The following FRMD5 variants were observed in gnomAD, a reference collection of about 807,000 sequenced individuals.
The protein encoded by FRMD5 is FERM domain-containing protein 5.
Under a neutral mutation model 69.0 loss-of-function variants are expected in FRMD5, and 20 were observed. The ratio of observed to expected loss-of-function variants is 0.29; its 90% CI spans 0.20 to 0.42. The LOEUF is 0.42. FRMD5 is among the 10% of genes least tolerant of loss of function. The pLI is 1.00. For synonymous variants in FRMD5, 271 were observed against 260.1 expected (o/e 1.04, Z -0.40); for missense variants, 595 against 708.6 (o/e 0.84, Z 1.82).
At chr15:43,899,622 G>A (rs1343341199) in intron 7 of FRMD5, among the ~76,000 whole-genome samples, 1 of 152,202 alleles carries the variant, frequency 6.6e-6, no homozygotes, top group Non-Finnish European at 1.5e-5. Context: ...CGCCATGGGA[G>A]GCATACCACA....
chr15:43,922,342 T>C (rs1159123024), intron 2 of FRMD5, among the ~76,000 whole-genome samples: 2 of 152,218 alleles, frequency 1.3e-5, no homozygotes, highest in East Asian at 3.9e-4. Context: ...AAGGATGAGA[T>C]GGAATAACAT....
intron 1 of FRMD5, among the ~76,000 whole-genome samples, chr15:44,179,907 TG>T (rs1179976937): frequency 6.6e-6 from 1 of 151,974 alleles, no homozygotes; most frequent in Non-Finnish European, 1.5e-5. Flanking sequence ...GGCACAGTGG[TG>T]TGTGCCTATA....
intron 13 of FRMD5, 131 bp from the exon 14 acceptor site, chr15:43,874,593 A>AT: frequency 3.0e-6 from 2 of 667,720 alleles, no homozygotes; most frequent in Non-Finnish European, 2.6e-6. Context: ...ACTGCACTCT[A>AT]TTTTGATATA....
At chr15:43,888,938 GA>G in intron 8 of FRMD5, 66 bp from the exon 9 acceptor site, 1 of 1,398,066 alleles carries the variant, frequency 7.2e-7, no homozygotes. Context: ...AAATCTTGTA[GA>G]TGCACAGCCC....
At chr15:43,960,242 C>A (rs1595561937) in intron 1 of FRMD5, among the ~76,000 whole-genome samples, 2 of 152,126 alleles carry the variant, frequency 1.3e-5, no homozygotes, top group East Asian at 3.9e-4. Context: ...GCGCCCACCA[C>A]CACACCCGGC....
At chr15:44,012,836 G>A (rs937359724) in intron 1 of FRMD5, among the ~76,000 whole-genome samples, 25 of 142,208 alleles carry the variant, frequency 1.8e-4, no homozygotes, top group Non-Finnish European at 3.4e-4. Context: ...GCACAATCTC[G>A]GCTCACTGCA....
chr15:44,032,857 G>A (rs1300089825), intron 1 of FRMD5, among the ~76,000 whole-genome samples: 1 of 152,048 alleles, frequency 6.6e-6, no homozygotes, highest in Non-Finnish European at 1.5e-5. Flanking sequence ...CCCATTACTG[G>A]GTATATACCC....
rs902156220 is a variant in FRMD5, at chr15:44,076,016, G to GT, written c.102+118936dup. Among the ~76,000 whole-genome samples the GT allele has an allele frequency of 7.2e-5, 11 of 152,100 alleles. No individual in the cohort carries two copies. The East Asian group carries it at 1.5e-3, about 21-fold the overall frequency. Reference sequence around the variant, plus strand: ...CGCCCACTTTTTGATGGGGTTGTTTGTTTTTTTCTTGTAAATTTGTTTGAG... The same window carrying GT: ...CGCCCACTTTTTGATGGGGTTGTTTGTTTTTTTTCTTGTAAATTTGTTTGAG... On this transcript the variant is annotated intron_variant, in intron 1 of 13. Coordinates refer to ENST00000417257, the MANE Select transcript of FRMD5 (RefSeq NM_032892.5).
intron 1 of FRMD5, among the ~76,000 whole-genome samples, chr15:44,130,010 C>T (rs950079585): frequency 2.6e-5 from 4 of 152,284 alleles, no homozygotes; most frequent in South Asian, 4.1e-4. Context: ...ACAATGTCAA[C>T]TCTCCCTAAC....
At chr15:44,095,287 CA>C (rs2076535781) in intron 1 of FRMD5, among the ~76,000 whole-genome samples, 1 of 151,932 alleles carries the variant, frequency 6.6e-6, no homozygotes, top group Non-Finnish European at 1.5e-5. Flanking sequence ...ACTGCACCCT[CA>C]ATCTCCTGGG....
chr15:43,927,173 A>G (rs1195365669), intron 1 of FRMD5, among the ~76,000 whole-genome samples: 3 of 151,802 alleles, frequency 2.0e-5, no homozygotes, highest in African/African-American at 7.3e-5. Flanking sequence ...TTCTTTTACT[A>G]TTTTCTGACT....
chr15:44,150,130 A>T (rs2077420281), intron 1 of FRMD5, among the ~76,000 whole-genome samples: 2 of 152,194 alleles, frequency 1.3e-5, no homozygotes, highest in South Asian at 4.1e-4. Flanking sequence ...AAAAACATTC[A>T]ACAAACTAGG....
chr15:44,139,513 T>C (rs978735167), intron 1 of FRMD5, among the ~76,000 whole-genome samples: 2 of 151,726 alleles, frequency 1.3e-5, no homozygotes, highest in Non-Finnish European at 2.9e-5. Context: ...GTGAAAAATA[T>C]ATCAGGAAGG....
intron 1 of FRMD5, among the ~76,000 whole-genome samples, chr15:44,165,598 G>A (rs1440465446): frequency 1.3e-5 from 2 of 152,166 alleles, no homozygotes; most frequent in African/African-American, 4.8e-5. Context: ...CACTTCGGGA[G>A]GCCAAGGTGG....
chr15:44,180,034 T>C (rs1002911521), intron 1 of FRMD5, among the ~76,000 whole-genome samples: 2 of 119,196 alleles, frequency 1.7e-5, no homozygotes, highest in African/African-American at 6.6e-5. Flanking sequence ...CTGGACAAGA[T>C]AGTGAGACTC....
At chr15:44,091,682 G>A (rs774797833) in intron 1 of FRMD5, among the ~76,000 whole-genome samples, 18 of 152,122 alleles carry the variant, frequency 1.2e-4, no homozygotes, top group South Asian at 6.2e-4. Flanking sequence ...TATATATGGT[G>A]TCTGGTTCAT....
intron 7 of FRMD5, among the ~76,000 whole-genome samples, chr15:43,900,276 T>C (rs1333432691): frequency 6.6e-6 from 1 of 152,210 alleles, no homozygotes; most frequent in Non-Finnish European, 1.5e-5. Context: ...GGTGCCCTGC[T>C]AACAGTATTG....
chr15:43,963,838 C>T lies in FRMD5; in HGVS notation c.103-39529G>A, dbSNP rs898140842. Among the ~76,000 whole-genome samples, 6 of 151,978 alleles carry T rather than the reference C, an allele frequency of 3.9e-5. No individual in the cohort carries two copies. In the East Asian group the frequency reaches 7.7e-4, roughly 20 times the overall value. The stretch of plus-strand genomic sequence containing the variant: ...ACCAAACACCAGACGTTCTCACTCA[C>T]AGGTGGGAATTGAACAATGAGAACA... On this transcript the variant is annotated intron_variant, in intron 1 of 13. Coordinates refer to ENST00000417257, the MANE Select transcript of FRMD5 (RefSeq NM_032892.5).
chr15:44,195,121 C>T lies in FRMD5; in HGVS notation c.-67G>A. On this transcript the variant is annotated 5_prime_UTR_variant, in exon 1 of 14. Transcript: ENST00000417257. ...GACCCTGGACCAGGCGTCCCTCAGC[C>T]CGGCAGCTCCGCACCGACCCCAGGC... is the stretch of plus-strand genomic sequence containing the variant. The T allele has an allele frequency of 1.5e-6, 2 of 1,315,572 alleles. No individual in the cohort carries two copies. The highest frequency in any genetic ancestry group is 2.0e-6 in the Non-Finnish European group (2 of 979,006). The allele number at this position is 1,315,572 out of a possible 1,614,324, so 81.5% of individuals were successfully genotyped here. A position where few individuals can be genotyped will look rare whatever the true frequency, so the allele number is the denominator to read the frequency against.
Sources: gnomAD v4.1 joint callset for allele counts (sites outside exome capture counted in the v4.1 genomes callset) on GRCh38, gnomAD v4.1.1 for gene constraint, MANE v1.5 for transcripts, NCBI Gene and HGNC (gene_info 2026-07-23, HGNC 2026-07-21) for gene names.